The following XIRP2 variants were observed in gnomAD, a reference collection of about 807,000 sequenced individuals.
The protein encoded by XIRP2 is xin actin-binding repeat-containing protein 2.
A neutral mutation model predicts 277.0 loss-of-function variants in XIRP2; 236 were observed. The observed-to-expected ratio is 0.85, with a 90% CI of 0.77 to 0.95. XIRP2 has a LOEUF of 0.95. Among genes scored for constraint, XIRP2 ranks in the 40% least tolerant of loss-of-function variants. The pLI, the probability that XIRP2 is intolerant of heterozygous loss-of-function variation, is 0.00. For synonymous variants in XIRP2, 1,490 were observed against 1,416.5 expected, an observed-to-expected ratio of 1.05 and a Z score of -1.17; for missense variants, 4,640 against 4,157.5, an observed-to-expected ratio of 1.12 and a Z score of -3.19.
chr2:167,227,253 T>C (rs1425453125), intron 5 of XIRP2, among the ~76,000 whole-genome samples: 3 of 152,082 alleles, frequency 2.0e-5, no homozygotes, highest in Non-Finnish European at 2.9e-5. Flanking sequence ...CTGTGAAGAA[T>C]CCAGAGAAAG....
Position 167,251,425 on chromosome 2 carries a change from G to A in XIRP2, c.10033G>A (p.Val3345Ile), listed in dbSNP as rs1695499276. The change falls in exon 9 of 11, where the codon GTT (valine) becomes ATT (isoleucine). Residue 3345 changes from valine to isoleucine, a missense_variant. Val to Ile is a conservative substitution (Grantham distance 29). Transcript: ENST00000409195. ...RWFREFEHGP[V>I]SEAKSNRRVY... is the part of the protein sequence containing the mutation. ...GTTCAGGGAATTTGAGCATGGCCCAGTTTCTGAAGCAAAGTCAAATAGAAG... is the reference window on the plus strand; with the variant it reads ...GTTCAGGGAATTTGAGCATGGCCCAATTTCTGAAGCAAAGTCAAATAGAAG... The A allele has an allele frequency of 6.2e-7, 1 of 1,613,508 alleles. No individual in the cohort carries two copies. Among genetic ancestry groups the A allele is most frequent in the African/African-American group, 1.3e-5 (1 of 74,872 alleles).
chr2:167,243,993 A>C lies in XIRP2; in HGVS notation c.2601A>C (p.Ile867=). 6.2e-7 allele frequency: 1 copy of C among 1,614,030 alleles called. No homozygotes were observed. The highest frequency in any genetic ancestry group is 8.5e-7 in the Non-Finnish European group (1 of 1,179,924). ...PDADSLQREE[I]IGGDVQTTKH... is the part of the protein sequence containing the mutation. ...CAGATTCTCTACAACGTGAGGAGAT[A>C]ATAGGTGGTGATGTACAAACTACTA... is the stretch of plus-strand genomic sequence containing the variant. Residue 867 remains isoleucine, a synonymous_variant, in exon 9 of 11, where the codon ATA becomes ATC. Transcript: ENST00000409195.
At chr2:167,001,477 A>G (rs1687369459) in intron 2 of XIRP2, among the ~76,000 whole-genome samples, 1 of 152,188 alleles carries the variant, frequency 6.6e-6, no homozygotes, top group Non-Finnish European at 1.5e-5. Flanking sequence ...TTTTCTATAC[A>G]CAGTAAATCT....
Position 167,242,837 on chromosome 2 carries a change from T to C in XIRP2, c.1445T>C (p.Leu482Pro), listed in dbSNP as rs767996433. 18 of 1,614,044 alleles carry C rather than the reference T, an allele frequency of 1.1e-5. No individual in the cohort carries two copies. The Admixed American group carries it at 1.3e-4, about 12-fold the overall frequency. The change falls in exon 9 of 11, where the codon CTA becomes CCA. Residue 482 changes from leucine to proline, a missense_variant. Physicochemically the swap from Leu to Pro is moderately conservative, Grantham distance 98. Transcript: ENST00000409195. Reference sequence around the variant, plus strand: ...GAACTGCCCAGTCCTCCTAGAAGACTACCAGTCCCCAAAGATGTATATTCC... The same window carrying C: ...GAACTGCCCAGTCCTCCTAGAAGACCACCAGTCCCCAAAGATGTATATTCC... ...SPELPSPPRR[L>P]PVPKDVYSKQ...
intron 2 of XIRP2, among the ~76,000 whole-genome samples, chr2:166,978,066 A>G (rs1395553911): frequency 6.6e-6 from 1 of 152,146 alleles, no homozygotes; most frequent in Middle Eastern, 3.2e-3. Context: ...GTGTTCATGA[A>G]AGTAGTCAAA....
At chr2:167,117,765 T>C (rs988324124) in intron 2 of XIRP2, among the ~76,000 whole-genome samples, 1 of 152,244 alleles carries the variant, frequency 6.6e-6, no homozygotes, top group African/African-American at 2.4e-5. Context: ...CCAAGGAATT[T>C]CTGCCTTTTA....
intron 2 of XIRP2, among the ~76,000 whole-genome samples, chr2:166,938,818 G>T (rs934524937): frequency 7.2e-5 from 11 of 151,790 alleles, no homozygotes; most frequent in Non-Finnish European, 1.6e-4. Context: ...GTTAGCTCTT[G>T]TTGAATGGAT....
At chr2:167,140,179 A>G (rs942218880) in intron 3 of XIRP2, among the ~76,000 whole-genome samples, 11 of 152,192 alleles carry the variant, frequency 7.2e-5, no homozygotes, top group Admixed American at 5.2e-4. Flanking sequence ...TATAATTTCA[A>G]CTGTGTTCCC....
At chr2:167,236,744 A>G (rs1181787113) in intron 5 of XIRP2, among the ~76,000 whole-genome samples, 1 of 152,068 alleles carries the variant, frequency 6.6e-6, no homozygotes, top group East Asian at 1.9e-4. Flanking sequence ...AGACTGGTCT[A>G]TATTTAAATT....
At chr2:167,218,605 G>A (rs1161043385) in intron 5 of XIRP2, among the ~76,000 whole-genome samples, 1 of 152,130 alleles carries the variant, frequency 6.6e-6, no homozygotes, top group Non-Finnish European at 1.5e-5. Context: ...TTGAACTGTT[G>A]AGAGCAATGT....
chr2:167,139,231 A>G (rs999431647), intron 3 of XIRP2, among the ~76,000 whole-genome samples: 4 of 152,014 alleles, frequency 2.6e-5, no homozygotes, highest in African/African-American at 9.7e-5. Flanking sequence ...GAATTGAAAA[A>G]TATACTCTTC....
chr2:166,919,074 C>G lies in XIRP2; in HGVS notation c.408+15184C>G, dbSNP rs570667428. Among the ~76,000 whole-genome samples, 10 of 152,266 alleles carry G rather than the reference C, an allele frequency of 6.6e-5. No homozygotes were observed. In the East Asian group the frequency reaches 1.7e-3, roughly 26 times the overall value. ...AACAACAGGTACAGCCATCCATCCA[C>G]TCTCTTCCTGGAGATCAAGCAAACT... On this transcript the variant is annotated intron_variant, in intron 2 of 10. Coordinates refer to ENST00000409195, the MANE Select transcript of XIRP2 (RefSeq NM_152381.6).
intron 4 of XIRP2, among the ~76,000 whole-genome samples, chr2:167,215,161 T>C (rs1015608230): frequency 2.6e-5 from 4 of 152,192 alleles, no homozygotes; most frequent in Non-Finnish European, 2.9e-5. Flanking sequence ...AAAATAAATA[T>C]TGTGGCCTTA....
chr2:167,172,584 C>G lies in XIRP2; in HGVS notation c.562+36522C>G, dbSNP rs574036456. 1.2e-4 allele frequency among the ~76,000 whole-genome samples: 19 copies of G among 152,328 alleles called. No homozygotes were observed. In the East Asian group the frequency reaches 3.7e-3, roughly 29 times the overall value. On this transcript the variant is annotated intron_variant, in intron 3 of 10. Transcript: ENST00000409195. ...AGAGGCCTACCCCTAGGAACACATT[C>G]TCTTTCTCAGGGCTGTTCCTTGCTG...
chr2:167,242,042 C>A, intron 8 of XIRP2, 132 bp downstream of exon 8: 1 of 1,178,534 alleles, frequency 8.5e-7, no homozygotes, highest in Non-Finnish European at 1.1e-6. Flanking sequence ...TTATTCAGTT[C>A]TGTAAGGAGA....
chr2:167,043,929 C>A (rs1188684833), intron 2 of XIRP2, among the ~76,000 whole-genome samples: 1 of 151,810 alleles, frequency 6.6e-6, no homozygotes, highest in Non-Finnish European at 1.5e-5. Flanking sequence ...CTCTCTGATG[C>A]TATCATCATT....
At chr2:167,038,684 C>A (rs957994994) in intron 2 of XIRP2, among the ~76,000 whole-genome samples, 3 of 151,446 alleles carry the variant, frequency 2.0e-5, no homozygotes, top group Non-Finnish European at 4.4e-5. Flanking sequence ...ATAGAGAGTC[C>A]TATCCATATT....
At position 167,251,798 on chromosome 2, in the gene XIRP2, T is replaced by C; in HGVS notation, c.10406T>C (p.Ile3469Thr). Residue 3469 changes from isoleucine to threonine, a missense_variant, in exon 9 of 11, where the codon ATC becomes ACC. Transcript: ENST00000409195. ...EDVIAGHILD[I>T]SDSPKEVRKN... The stretch of plus-strand genomic sequence containing the variant: ...GTCATTGCTGGACATATTTTAGATA[T>C]CTCTGATTCACCTAAAGAAGTAAGA... The C allele has an allele frequency of 6.2e-7, 1 of 1,613,364 alleles. No individual in the cohort carries two copies. Among genetic ancestry groups the C allele is most frequent in the Non-Finnish European group, 8.5e-7 (1 of 1,179,564 alleles).
chr2:167,062,632 A>C (rs1689200224), intron 2 of XIRP2, among the ~76,000 whole-genome samples: 1 of 152,156 alleles, frequency 6.6e-6, no homozygotes, highest in Non-Finnish European at 1.5e-5. Context: ...ACCAAGGAAG[A>C]TATCTGGGCC....
Sources: allele counts gnomAD v4.1 joint callset (sites outside exome capture counted in the v4.1 genomes callset), GRCh38; gene constraint gnomAD v4.1.1; transcripts MANE v1.5; gene names NCBI Gene and HGNC (gene_info 2026-07-23, HGNC 2026-07-21).